SERAC1: variants seen among roughly 807,000 people sequenced by gnomAD.
SERAC1 encodes the protein serine active site containing 1.
A neutral mutation model predicts 85.7 loss-of-function variants in SERAC1; 36 were observed. The ratio of observed to expected loss-of-function variants is 0.42; its 90% CI spans 0.32 to 0.55. The LOEUF (loss-of-function observed/expected upper bound fraction) is 0.55, where lower values mean the gene tolerates loss of function less well. Ranked by LOEUF, SERAC1 falls within the 20% of genes least tolerant of loss-of-function variation. The pLI, the probability that SERAC1 is intolerant of heterozygous loss-of-function variation, is 0.11. For synonymous variants in SERAC1, 242 were observed against 265.3 expected, an observed-to-expected ratio of 0.91 and a Z score of 0.85; for missense variants, 629 against 796.2, an observed-to-expected ratio of 0.79 and a Z score of 2.53.
chr6:158,120,401 A>G lies in SERAC1; in HGVS notation c.1166+24T>C. On this transcript the variant is annotated intron_variant, in intron 11 of 16. Coordinates refer to ENST00000647468, the MANE Select transcript of SERAC1 (RefSeq NM_032861.4). This position sits in a 1 kb window ranked among gnomAD's most constrained non-coding sequence, Gnocchi z 4.4. The stretch of plus-strand genomic sequence containing the variant: ...GGCTTCACATTTCCAAAGGGGACAA[A>G]GCAACTCTCTTCTGCTTCCTTACCT... The G allele has an allele frequency of 6.2e-7, 1 of 1,601,150 alleles. No homozygotes were observed. Among genetic ancestry groups the G allele is most frequent in the South Asian group, 1.1e-5 (1 of 89,000 alleles).
At chr6:158,148,981 A>T (rs1207785062) in intron 4 of SERAC1, 27 bp from the exon 5 acceptor site, 1 of 1,520,906 alleles carries the variant, frequency 6.6e-7, no homozygotes, top group Non-Finnish European at 8.9e-7. Flanking sequence ...ATTAAGTAAA[A>T]CCAAGAATGT....
At chr6:158,147,768 C>CAAAAAAA (rs71027383) in intron 5 of SERAC1, among the ~76,000 whole-genome samples, 26 of 68,938 alleles carry the variant, frequency 3.8e-4, no homozygotes, top group African/African-American at 9.7e-4. Flanking sequence ...GGCTCTGTCT[C>CAAAAAAA]AAAAAAAAAA....
At position 158,119,972 on chromosome 6, in the gene SERAC1, T is replaced by C. The variant is rs967929095; in HGVS notation, c.1166+453A>G. On this transcript the variant is annotated intron_variant, in intron 11 of 16. Transcript: ENST00000647468. The surrounding 1 kb of genome is among the most constrained non-coding windows in gnomAD (Gnocchi z 4.5). ...ATTACAACTTATTCTTTCTAATGCA[T>C]CCTTTTATAACTAGCATAAACTTTC... 6.6e-6 allele frequency among the ~76,000 whole-genome samples: 1 copy of C among 152,184 alleles called. No individual in the cohort carries two copies. Among genetic ancestry groups the C allele is most frequent in the Admixed American group, 6.5e-5 (1 of 15,274 alleles).
At chr6:158,140,422 C>T (rs1269921217) in intron 8 of SERAC1, among the ~76,000 whole-genome samples, 2 of 152,162 alleles carry the variant, frequency 1.3e-5, no homozygotes, top group African/African-American at 2.4e-5. Context: ...TACCGGAACC[C>T]GTGGAGATGT....
Position 158,120,329 on chromosome 6 carries a change from A to T in SERAC1, c.1166+96T>A. On this transcript the variant is annotated intron_variant, in intron 11 of 16. Transcript: ENST00000647468. The surrounding 1 kb of genome is among the most constrained non-coding windows in gnomAD (Gnocchi z 4.4). ...AAGATATTTGACTTATAAGTTATTTAACTTATCTGAATTATGCAGAAATAA... is the reference window on the plus strand; with the variant it reads ...AAGATATTTGACTTATAAGTTATTTTACTTATCTGAATTATGCAGAAATAA... 1 of 1,247,806 alleles carries T rather than the reference A, an allele frequency of 8.0e-7. No homozygotes were observed. The highest frequency in any genetic ancestry group is 1.1e-6 in the Non-Finnish European group (1 of 915,214). 77.3% of individuals were successfully genotyped at this position (1,247,806 alleles called of 1,614,324 possible).
intron 5 of SERAC1, among the ~76,000 whole-genome samples, chr6:158,147,542 C>T (rs1189192750): frequency 2.0e-5 from 3 of 150,358 alleles, no homozygotes; most frequent in East Asian, 1.9e-4. Flanking sequence ...AGGCGGATCA[C>T]GAGGTCAGGA....
chr6:158,144,822 T>C (rs148320418), intron 6 of SERAC1, among the ~76,000 whole-genome samples: 179 of 152,328 alleles, frequency 1.2e-3, no homozygotes, highest in African/African-American at 3.9e-3. Context: ...TTGGTATTCA[T>C]AGTGTCCATG....
intron 8 of SERAC1, among the ~76,000 whole-genome samples, chr6:158,134,441 A>G (rs1340001479): frequency 1.3e-5 from 2 of 152,176 alleles, no homozygotes; most frequent in Admixed American, 1.3e-4. Context: ...ATAAGCAAGA[A>G]CTCCAAAAAT....
rs185195803 is a variant in SERAC1 at position 158,131,070 on chromosome 6, A to G, written c.739-584T>C. Among the ~76,000 whole-genome samples the G allele has an allele frequency of 7.9e-4, 120 of 152,110 alleles. 2 individuals carry two copies. In the East Asian group the frequency reaches 0.022, roughly 28 times the overall value. The stretch of plus-strand genomic sequence containing the variant: ...GGGACTATTTCTAACATATTAAAAC[A>G]TAAATAAAAACATTTCAATTTTCTA... On this transcript the variant is annotated intron_variant, in intron 8 of 16. Coordinates refer to ENST00000647468, the MANE Select transcript of SERAC1 (RefSeq NM_032861.4).
chr6:158,117,612 A>G lies in SERAC1; in HGVS notation c.1403+115T>C, dbSNP rs1264405912. On this transcript the variant is annotated intron_variant, in intron 13 of 16. Coordinates refer to ENST00000647468, the MANE Select transcript of SERAC1 (RefSeq NM_032861.4). This position sits in a 1 kb window ranked among gnomAD's most constrained non-coding sequence, Gnocchi z 4.3. ...ACAAAAAAGATTAGGTTTGTTCTTC[A>G]TAAGAAAATCCTGTCTGTGGCATCA... The G allele has an allele frequency of 6.4e-7, 1 of 1,570,816 alleles. No homozygotes were observed. The highest frequency in any genetic ancestry group is 1.3e-5 in the African/African-American group (1 of 74,238).
chr6:158,111,152 C>A lies in SERAC1; in HGVS notation c.*214G>T. 2 of 382,874 alleles carry A rather than the reference C, an allele frequency of 5.2e-6. No individual in the cohort carries two copies. The highest frequency in any genetic ancestry group is 6.0e-5 in the South Asian group (1 of 16,760). The allele number at this position is 382,874 out of a possible 1,614,324, so 23.7% of individuals were successfully genotyped here. A position where few individuals can be genotyped will look rare whatever the true frequency, so the allele number is the denominator to read the frequency against. ...CAGGGACTTCTTTACACCAAAGGGG[C>A]CCAATCCAGCCCTTCCTTCTGTGCC... On this transcript the variant is annotated 3_prime_UTR_variant, in exon 17 of 17. Coordinates refer to ENST00000647468, the MANE Select transcript of SERAC1 (RefSeq NM_032861.4).
Position 158,153,989 on chromosome 6 carries a change from TAATAATAATAAC to T in SERAC1, c.128+1314_128+1325del, listed in dbSNP as rs1222307653. ...CTACTAAAAATACAAATACAAATAA[TAATAATAATAAC>T]AATAATAATAACAGCCAGGTGTGGT... is the stretch of plus-strand genomic sequence containing the variant. On this transcript the variant is annotated intron_variant, in intron 3 of 16. Coordinates refer to ENST00000647468, the MANE Select transcript of SERAC1 (RefSeq NM_032861.4). Among the ~76,000 whole-genome samples, 4 of 150,976 alleles carry T rather than the reference TAATAATAATAAC, an allele frequency of 2.6e-5. No individual in the cohort carries two copies. In the South Asian group the frequency reaches 6.3e-4, roughly 24 times the overall value.
chr6:158,165,662 T>C (rs994727662), intron 1 of SERAC1, among the ~76,000 whole-genome samples: 20 of 152,210 alleles, frequency 1.3e-4, no homozygotes, highest in Admixed American at 1.0e-3. Context: ...AAATGGTCAA[T>C]GCTTTTTGAT....
chr6:158,110,446 T>C lies in SERAC1; in HGVS notation c.*920A>G, dbSNP rs2128409093. The C allele has an allele frequency of 6.6e-6, 1 of 152,286 alleles. No homozygotes were observed. The highest frequency in any genetic ancestry group is 2.4e-5 in the African/African-American group (1 of 41,558). 9.4% of individuals were successfully genotyped at this position (152,286 alleles called of 1,614,324 possible). ...ATTTAAAAGGGTGAATCTTATGGTA[T>C]GTAAATTATATCTCAATAATGCTGT... On this transcript the variant is annotated 3_prime_UTR_variant, in exon 17 of 17. Coordinates refer to ENST00000647468, the MANE Select transcript of SERAC1 (RefSeq NM_032861.4).
chr6:158,148,905 T>A lies in SERAC1; in HGVS notation c.315A>T (p.Val105=), dbSNP rs1583597789. ...GCAGTATCTTGGCTGATGTTGCCAATACTTTTCTTACTGCTTTGTGAAGTT... is the reference window on the plus strand; with the variant it reads ...GCAGTATCTTGGCTGATGTTGCCAAAACTTTTCTTACTGCTTTGTGAAGTT... ...RKELHKAVRK[V]LATSAKILRN... Residue 105 remains valine (V), a synonymous_variant, in exon 5 of 17, where the codon GTA becomes GTT. Coordinates refer to ENST00000647468, the MANE Select transcript of SERAC1 (RefSeq NM_032861.4). 2 of 1,612,946 alleles carry A rather than the reference T, an allele frequency of 1.2e-6. No homozygotes were observed. Among genetic ancestry groups the A allele is most frequent in the Non-Finnish European group, 1.7e-6 (2 of 1,179,570 alleles).
At chr6:158,151,953 C>T (rs1032429947) in intron 3 of SERAC1, among the ~76,000 whole-genome samples, 2 of 152,162 alleles carry the variant, frequency 1.3e-5, no homozygotes, top group Non-Finnish European at 2.9e-5. Flanking sequence ...GTCTCAACCA[C>T]GTTGCCCAGG....
Position 158,119,239 on chromosome 6 carries a change from G to A in SERAC1, c.1167-69C>T. On this transcript the variant is annotated intron_variant, in intron 11 of 16. Transcript: ENST00000647468. This position sits in a 1 kb window ranked among gnomAD's most constrained non-coding sequence, Gnocchi z 4.5. ...TACTGCTTTGGTAAGAATCTACACA[G>A]CATTCTCTGTGGATGGTGCTTTAGC... 2 of 1,504,990 alleles carry A rather than the reference G, an allele frequency of 1.3e-6. No homozygotes were observed. Among genetic ancestry groups the A allele is most frequent in the South Asian group, 1.3e-5 (1 of 79,122 alleles). The allele number at this position is 1,504,990 out of a possible 1,614,324, so 93.2% of individuals were successfully genotyped here.
intron 16 of SERAC1, 95 bp from the exon 17 acceptor site, chr6:158,111,597 G>A: frequency 1.0e-6 from 1 of 963,882 alleles, no homozygotes; most frequent in Admixed American, 3.2e-5. Context: ...TCTAGACATT[G>A]CTTTGGTTGT....
chr6:158,141,047 G>A (rs1784904333), intron 8 of SERAC1, among the ~76,000 whole-genome samples: 1 of 152,160 alleles, frequency 6.6e-6, no homozygotes, highest in African/African-American at 2.4e-5. Context: ...TGACCCAAAT[G>A]TCCATCACTG....
Sources: allele counts gnomAD v4.1 joint callset (sites outside exome capture counted in the v4.1 genomes callset), GRCh38; gene constraint gnomAD v4.1.1; non-coding constraint Gnocchi (gnomAD v3.1); transcripts MANE v1.5; gene names NCBI Gene and HGNC (gene_info 2026-07-23, HGNC 2026-07-21).